Variants in SEPTIN11 observed in about 807,000 individuals in gnomAD.
The protein encoded by SEPTIN11 is septin 11, also known as septin-11.
A neutral mutation model predicts 51.4 loss-of-function variants in SEPTIN11; 25 were observed. The observed-to-expected ratio is 0.49, with a 90% CI of 0.35 to 0.68. The LOEUF (loss-of-function observed/expected upper bound fraction) is 0.68. Ranked by LOEUF, SEPTIN11 falls within the 30% of genes least tolerant of loss-of-function variation. SEPTIN11 has a pLI of 0.00. For synonymous variants in SEPTIN11, 174 were observed against 184.1 expected (o/e 0.95, Z 0.44); for missense variants, 381 against 520.8 (o/e 0.73, Z 2.61).
intron 7 of SEPTIN11, 70 bp from the exon 8 acceptor site, chr4:77,028,559 A>G: frequency 6.8e-7 from 1 of 1,460,378 alleles, no homozygotes; most frequent in Non-Finnish European, 9.2e-7. Context: ...GATAGGTAGA[A>G]ATTATGTGAA....
Position 76,949,802 on chromosome 4 carries a change from G to A in SEPTIN11, c.-102G>A. ...GGACGCCGGCGAGCAGAGCGCAGCC[G>A]CGAGGGAGGCGCGAGGGAGGCGAGC... On this transcript the variant is annotated 5_prime_UTR_variant, in exon 1 of 10. Coordinates refer to ENST00000264893, the MANE Select transcript of SEPTIN11 (RefSeq NM_018243.4). 3 of 1,310,134 alleles carry A rather than the reference G, an allele frequency of 2.3e-6. No homozygotes were observed. The highest frequency in any genetic ancestry group is 2.1e-6 in the Non-Finnish European group (2 of 961,634). The allele number at this position is 1,310,134 out of a possible 1,614,324, so 81.2% of individuals were successfully genotyped here.
At chr4:76,950,071 T>A (rs1282923337) in intron 1 of SEPTIN11, 141 bp downstream of exon 1, 5 of 884,894 alleles carry the variant, frequency 5.7e-6, no homozygotes, top group East Asian at 6.7e-5. Flanking sequence ...GTGCACGAAT[T>A]TGGGCGCGCG....
In SEPTIN11 at chr4:77,038,256, T is replaced by A. The variant is rs1363351272; in HGVS notation, c.*3744T>A. ...AAAGCTGTGAACAGCATTAGAACTT[T>A]GTCTATTTCTTAATTTTAAAATATG... On this transcript the variant is annotated 3_prime_UTR_variant, in exon 10 of 10. Coordinates refer to ENST00000264893, the MANE Select transcript of SEPTIN11 (RefSeq NM_018243.4). 6 of 985,688 alleles carry A rather than the reference T, an allele frequency of 6.1e-6. No homozygotes were observed. The East Asian group carries it at 5.7e-4, about 93-fold the overall frequency. The allele number at this position is 985,688 out of a possible 1,614,324, so 61.1% of individuals were successfully genotyped here.
chr4:76,968,407 C>G (rs1050285367), intron 1 of SEPTIN11, among the ~76,000 whole-genome samples: 1 of 152,164 alleles, frequency 6.6e-6, no homozygotes, highest in African/African-American at 2.4e-5. Flanking sequence ...CCCTCTACAG[C>G]TGAAACCCAG....
chr4:77,007,290 C>G (rs1398076760), intron 3 of SEPTIN11, among the ~76,000 whole-genome samples: 1 of 152,234 alleles, frequency 6.6e-6, no homozygotes, highest in East Asian at 1.9e-4. Flanking sequence ...TTCTCCATCT[C>G]TCAGACTGGT....
chr4:77,016,639 T>TATATATATATAC (rs1553975095), intron 5 of SEPTIN11, among the ~76,000 whole-genome samples: 2 of 110,904 alleles, frequency 1.8e-5, no homozygotes, highest in South Asian at 3.0e-4. Flanking sequence ...TACACATATA[T>TATATATATATAC]ATATATATAT....
At chr4:76,991,613 C>T (rs1336988545) in intron 1 of SEPTIN11, among the ~76,000 whole-genome samples, 1 of 152,204 alleles carries the variant, frequency 6.6e-6, no homozygotes, top group African/African-American at 2.4e-5. Flanking sequence ...GCAAGCTGGG[C>T]TTTTGTTTCA....
intron 1 of SEPTIN11, among the ~76,000 whole-genome samples, chr4:76,971,230 A>C (rs1263748238): frequency 6.6e-6 from 1 of 152,208 alleles, no homozygotes; most frequent in East Asian, 1.9e-4. Context: ...ATCAGTTGAA[A>C]CCATTAAAAA....
chr4:76,992,795 A>T (rs904034), intron 1 of SEPTIN11, among the ~76,000 whole-genome samples: 79,747 of 152,136 alleles, frequency 0.52, 21,766 homozygotes, highest in Middle Eastern at 0.62. Flanking sequence ...GAAGATTTGG[A>T]TATGTAAACA....
intron 1 of SEPTIN11, among the ~76,000 whole-genome samples, chr4:76,967,143 G>A (rs1722066294): frequency 6.6e-6 from 1 of 152,156 alleles, no homozygotes; most frequent in Admixed American, 6.5e-5. Context: ...GTTTCAGTGA[G>A]CCAAGATCAT....
Position 77,034,916 on chromosome 4 carries a change from TG to T in SEPTIN11, c.*405del. 1.0e-6 allele frequency: 1 copy of T among 992,292 alleles called. No homozygotes were observed. The highest frequency in any genetic ancestry group is 1.2e-6 in the Non-Finnish European group (1 of 834,402). The allele number at this position is 992,292 out of a possible 1,614,324, so 61.5% of individuals were successfully genotyped here. Reference sequence around the variant, plus strand: ...AACCTGAATAGCCATGACAAGAGTTTGCATTTTCTTGATGATTCATCTCCAT... The same window carrying T: ...AACCTGAATAGCCATGACAAGAGTTTCATTTTCTTGATGATTCATCTCCAT... On this transcript the variant is annotated 3_prime_UTR_variant, in exon 10 of 10. Transcript: ENST00000264893.
chr4:77,016,557 T>C (rs1412273663), intron 5 of SEPTIN11, among the ~76,000 whole-genome samples: 5 of 140,376 alleles, frequency 3.6e-5, no homozygotes, highest in Non-Finnish European at 6.1e-5. Flanking sequence ...AGCATATATA[T>C]TATATATGCT....
chr4:76,970,897 A>G (rs4397018), intron 1 of SEPTIN11, among the ~76,000 whole-genome samples: 46,306 of 152,008 alleles, frequency 0.3, 7,187 homozygotes, highest in Non-Finnish European at 0.34. Flanking sequence ...ATCTTTCAGT[A>G]TTTTCATTTT....
At chr4:77,030,543 C>T (rs1307787379) in intron 8 of SEPTIN11, among the ~76,000 whole-genome samples, 1 of 151,986 alleles carries the variant, frequency 6.6e-6, no homozygotes, top group African/African-American at 2.4e-5. Context: ...ATTACAGGCA[C>T]CCGCCACCAC....
At chr4:76,958,805 A>C in intron 1 of SEPTIN11, 2 of 1,168,194 alleles carry the variant, frequency 1.7e-6, no homozygotes, top group South Asian at 2.8e-5. Flanking sequence ...TAAATTAAAA[A>C]AAAATAAGTT....
In SEPTIN11 at chr4:77,036,517, A is replaced by G. The variant is rs1458799258; in HGVS notation, c.*2005A>G. ...AAAATTTTTTTAAAATGAGCATAAC[A>G]ACGAAAGGCATCCAGCTGACTTTTT... is the stretch of plus-strand genomic sequence containing the variant. On this transcript the variant is annotated 3_prime_UTR_variant, in exon 10 of 10. Transcript: ENST00000264893. 5.8e-6 allele frequency: 8 copies of G among 1,370,542 alleles called. No homozygotes were observed. The African/African-American group carries it at 8.9e-5, about 15-fold the overall frequency. 84.9% of individuals were successfully genotyped at this position (1,370,542 alleles called of 1,614,324 possible).
At chr4:77,021,060 T>C (rs1222331400) in intron 7 of SEPTIN11, 1 of 162,412 alleles carries the variant, frequency 6.2e-6, no homozygotes, top group Non-Finnish European at 1.3e-5. Context: ...GGCTGCTGAT[T>C]ACAGTTTGCC....
rs532572537 is a variant in SEPTIN11 at position 77,007,409 on chromosome 4, TCC to T, written c.338+1614_338+1615del. Among the ~76,000 whole-genome samples the T allele has an allele frequency of 4.9e-4, 74 of 152,302 alleles. 1 individual carries two copies. The South Asian group carries it at 0.013, about 27-fold the overall frequency. ...CTCCCCCAAGGAATGAGAACCATCCTCCACATAGCCTCTTGCTGAGATTCCCT... is the reference window on the plus strand; with the variant it reads ...CTCCCCCAAGGAATGAGAACCATCCTACATAGCCTCTTGCTGAGATTCCCT... On this transcript the variant is annotated intron_variant, in intron 3 of 9. Coordinates refer to ENST00000264893, the MANE Select transcript of SEPTIN11 (RefSeq NM_018243.4).
At chr4:77,031,149 A>T (rs1726600907) in intron 9 of SEPTIN11, 179 bp downstream of exon 9, 1 of 605,556 alleles carries the variant, frequency 1.7e-6, no homozygotes, top group Non-Finnish European at 2.8e-6. Context: ...AAAGGTACAC[A>T]AAGATTAATT....
Sources: gnomAD v4.1 joint callset for allele counts (sites outside exome capture counted in the v4.1 genomes callset) on GRCh38, gnomAD v4.1.1 for gene constraint, MANE v1.5 for transcripts, NCBI Gene and HGNC (gene_info 2026-07-23, HGNC 2026-07-21) for gene names.